Variants in GGTA1 observed in about 807,000 individuals in gnomAD.
The protein encoded by GGTA1 is inactive N-acetyllactosaminide alpha-1,3-galactosyltransferase.
GGTA1 carries 5 observed loss-of-function variants against 2.6 expected under a neutral mutation model. The observed-to-expected ratio is 1.92, with a 90% CI of 1.00 to 4.04. The LOEUF (loss-of-function observed/expected upper bound fraction) is 4.04. Among genes scored for constraint, GGTA1 ranks in the 30% most tolerant of loss-of-function variants. The pLI is 0.00. For synonymous variants in GGTA1, 17 were observed against 5.0 expected, an observed-to-expected ratio of 3.38 and a Z score of -3.19; for missense variants, 50 against 16.7, an observed-to-expected ratio of 2.99 and a Z score of -3.47.
intron 1 of GGTA1, among the ~76,000 whole-genome samples, chr9:121,499,443 T>C (rs1829059752): frequency 6.6e-6 from 1 of 151,982 alleles, no homozygotes; most frequent in Non-Finnish European, 1.5e-5. Context: ...GGCCACAGGA[T>C]GGGGACAGAG....
At chr9:121,466,757 A>T (rs1334212406) in intron 2 of GGTA1, among the ~76,000 whole-genome samples, 2 of 152,144 alleles carry the variant, frequency 1.3e-5, no homozygotes, top group Admixed American at 6.5e-5. Context: ...GTTCAAGACC[A>T]GCCTGGCCAA....
chr9:121,461,541 ATCC>A (rs1232340044), intron 3 of GGTA1, among the ~76,000 whole-genome samples: 1 of 152,174 alleles, frequency 6.6e-6, no homozygotes, highest in African/African-American at 2.4e-5. Flanking sequence ...CCCTCAGCTC[ATCC>A]TGGGGGCCCT....
At chr9:121,479,876 G>A (rs1364996580) in intron 1 of GGTA1, among the ~76,000 whole-genome samples, 3 of 151,972 alleles carry the variant, frequency 2.0e-5, no homozygotes, top group African/African-American at 7.3e-5. Flanking sequence ...AGAATGTTAC[G>A]GGATCTCCCA....
intron 1 of GGTA1, among the ~76,000 whole-genome samples, chr9:121,491,754 C>T (rs1302158727): frequency 6.6e-6 from 1 of 152,060 alleles, no homozygotes; most frequent in Non-Finnish European, 1.5e-5. Context: ...GGATTACAGG[C>T]TCCCACCACC....
chr9:121,472,932 G>A (rs1479904596), intron 1 of GGTA1, among the ~76,000 whole-genome samples: 2 of 152,222 alleles, frequency 1.3e-5, no homozygotes, highest in Admixed American at 1.3e-4. Context: ...CCAAAAATTA[G>A]CATCAGAAGC....
At chr9:121,453,705 G>A (rs1412860700), downstream of GGTA1, among the ~76,000 whole-genome samples, 1 of 152,200 alleles carries the variant, frequency 6.6e-6, no homozygotes, top group Non-Finnish European at 1.5e-5. Context: ...CCGTGGTCCT[G>A]GTGAGGCTGT....
intron 1 of GGTA1, among the ~76,000 whole-genome samples, chr9:121,489,295 C>T (rs1480254800): frequency 6.6e-6 from 1 of 152,172 alleles, no homozygotes; most frequent in Admixed American, 6.5e-5. Flanking sequence ...GTCTCCTGAG[C>T]TCAAGCGATC....
At chr9:121,453,305 G>A (rs556447579), downstream of GGTA1, among the ~76,000 whole-genome samples, 122 of 152,264 alleles carry the variant, frequency 8.0e-4, 2 homozygotes, top group South Asian at 0.019. Flanking sequence ...CACAAAAGGG[G>A]TGAGAGGGAG....
exon 8 of GGTA1, chr9:121,445,685 C>T (rs938105932): frequency 6.6e-6 from 1 of 152,210 alleles, no homozygotes; most frequent in African/African-American, 2.4e-5. Context: ...TGTTATGGCT[C>T]ATGCTTCTGT....
At position 121,495,563 on chromosome 9, in the gene GGTA1, G is replaced by C. The variant is rs545089863; in HGVS notation, c.-10+4087C>G. 1.7e-4 allele frequency among the ~76,000 whole-genome samples: 26 copies of C among 152,134 alleles called. No homozygotes were observed. The South Asian group carries it at 5.4e-3, about 32-fold the overall frequency. ...ACTCCATCTCAAAAAAAGAGAAAGA[G>C]CTGACTATCCTCATTGTTTTCATTA... On this transcript the variant is annotated intron_variant, in intron 1 of 5. Coordinates refer to ENST00000481799, the MANE Select transcript of GGTA1 (RefSeq NM_001382585.1).
intron 1 of GGTA1, chr9:121,494,701 G>A (rs12341799): frequency 0.22 from 33,120 of 152,094 alleles, 4,273 homozygotes; most frequent in Non-Finnish European, 0.3. Context: ...CCTAAGGAGG[G>A]GTAAACTGAC....
chr9:121,492,114 A>G (rs1342766365), intron 1 of GGTA1, among the ~76,000 whole-genome samples: 1 of 152,250 alleles, frequency 6.6e-6, no homozygotes, highest in Non-Finnish European at 1.5e-5. Flanking sequence ...TCTCTGGAAC[A>G]GGTACCTCTT....
rs755499056 is a variant in GGTA1, at chr9:121,467,865, C to T, written c.58G>A (p.Val20Met). Residue 20 changes from valine to methionine, a missense_variant, in exon 2 of 6, where the codon GTG becomes ATG. By Grantham distance (21) the Val-to-Met change is conservative (BLOSUM62 1). Coordinates refer to ENST00000481799, the MANE Select transcript of GGTA1 (RefSeq NM_001382585.1). ...TACCTGTTGATAAATTCCCAAAACA[C>T]AATGATCACAGTTGAGACAACCAGC... ...SMLVVSTVIIVFWEFINSTEG... is the reference protein window; with the variant it reads ...SMLVVSTVIIMFWEFINSTEG... The T allele has an allele frequency of 2.2e-6, 1 of 456,024 alleles. No homozygotes were observed. The highest frequency in any genetic ancestry group is 1.6e-5 in the South Asian group (1 of 64,288). The allele number at this position is 456,024 out of a possible 1,614,324, so 28.2% of individuals were successfully genotyped here.
At chr9:121,454,502 A>G (rs1226848916), downstream of GGTA1, among the ~76,000 whole-genome samples, 1 of 152,208 alleles carries the variant, frequency 6.6e-6, no homozygotes, top group Non-Finnish European at 1.5e-5. Flanking sequence ...CATTTTATCA[A>G]TGAAGAAACT....
At chr9:121,472,699 C>T (rs977425488) in intron 1 of GGTA1, among the ~76,000 whole-genome samples, 17 of 151,070 alleles carry the variant, frequency 1.1e-4, no homozygotes, top group African/African-American at 4.2e-4. Flanking sequence ...TGCTACAACC[C>T]CCTATGTGTG....
intron 1 of GGTA1, chr9:121,479,000 C>T (rs532540310): frequency 7.0e-5 from 31 of 445,406 alleles, no homozygotes; most frequent in Non-Finnish European, 1.2e-4. Flanking sequence ...AGGAAAAACT[C>T]CAGGCTGCAG....
At chr9:121,499,244 A>T (rs1238872718) in intron 1 of GGTA1, among the ~76,000 whole-genome samples, 1 of 151,898 alleles carries the variant, frequency 6.6e-6, no homozygotes, top group East Asian at 2.0e-4. Flanking sequence ...TGTCCTGGGC[A>T]AGAGCCATTC....
At chr9:121,472,345 A>T (rs1457937294) in intron 1 of GGTA1, among the ~76,000 whole-genome samples, 1 of 152,192 alleles carries the variant, frequency 6.6e-6, no homozygotes, top group Non-Finnish European at 1.5e-5. Flanking sequence ...AGTGATGATT[A>T]CAAGAGATAA....
chr9:121,449,890 T>C (rs571840150), intron 7 of GGTA1, among the ~76,000 whole-genome samples: 187 of 150,948 alleles, frequency 1.2e-3, no homozygotes, highest in African/African-American at 4.4e-3. Context: ...AAACATTTTA[T>C]TGGTGTCTTC....
Sources: gnomAD v4.1 joint callset for allele counts (sites outside exome capture counted in the v4.1 genomes callset) on GRCh38, gnomAD v4.1.1 for gene constraint, MANE v1.5 for transcripts, NCBI Gene and HGNC (gene_info 2026-07-23, HGNC 2026-07-21) for gene names.